Variants in ADCY2 observed in about 807,000 individuals in gnomAD.
The protein encoded by ADCY2 is adenylate cyclase type 2.
In ADCY2, 31 loss-of-function variants were observed where a neutral mutation model predicts 125.2. The observed-to-expected ratio is 0.25, with a 90% confidence interval of 0.19 to 0.33. The LOEUF is 0.33. Ranked by LOEUF, ADCY2 falls within the 10% of genes least tolerant of loss-of-function variation. The probability of loss-of-function intolerance (pLI) is 1.00; values close to 1 mark genes in which losing one functional copy is unlikely to be tolerated. For missense variants in ADCY2, 904 were observed against 1,418.2 expected (o/e 0.64, Z 5.82); for synonymous variants, 512 against 548.4 (o/e 0.93, Z 0.93).
At chr5:7,763,574 C>T (rs773080439) in intron 16 of ADCY2, among the ~76,000 whole-genome samples, 2 of 152,176 alleles carry the variant, frequency 1.3e-5, no homozygotes, top group Admixed American at 6.5e-5. Context: ...CACTCACTCC[C>T]CATCCTCCCT....
chr5:7,656,609 C>T (rs1241106594), intron 4 of ADCY2, among the ~76,000 whole-genome samples: 1 of 152,190 alleles, frequency 6.6e-6, no homozygotes, highest in Non-Finnish European at 1.5e-5. Context: ...GGTAGCTGAG[C>T]AGCCAGTTGT....
intron 15 of ADCY2, among the ~76,000 whole-genome samples, chr5:7,749,275 AT>A (rs554905884): frequency 1.7e-3 from 261 of 152,186 alleles, no homozygotes; most frequent in Middle Eastern, 3.4e-3. Context: ...ACATTTGATA[AT>A]TTTTTTAAGT....
intron 3 of ADCY2, among the ~76,000 whole-genome samples, chr5:7,536,152 A>G (rs1209950660): frequency 6.6e-6 from 1 of 152,238 alleles, no homozygotes; most frequent in Non-Finnish European, 1.5e-5. Flanking sequence ...CTGATTTAGT[A>G]CAAAGGAGTT....
In ADCY2 at chr5:7,804,021, G is replaced by C. The variant is rs554104310; in HGVS notation, c.2776-564G>C. Among the ~76,000 whole-genome samples the C allele has an allele frequency of 1.4e-3, 147 of 104,636 alleles. 1 individual carries two copies. Among genetic ancestry groups the C allele is most frequent in the African/African-American group, 5.2e-3 (141 of 27,172 alleles). 68.6% of individuals were successfully genotyped at this position (104,636 alleles called of 152,430 possible). On this transcript the variant is annotated intron_variant, in intron 21 of 24. Coordinates refer to ENST00000338316, the MANE Select transcript of ADCY2 (RefSeq NM_020546.3). ...ACAGCAGACTTCTCACTTCTCTTAG[G>C]CCTCCCATGGAGGGGGGAAAGAGAG...
intron 2 of ADCY2, among the ~76,000 whole-genome samples, chr5:7,426,261 A>G (rs1446131584): frequency 2.6e-5 from 4 of 152,242 alleles, no homozygotes; most frequent in Non-Finnish European, 5.9e-5. Flanking sequence ...TTTACTTTTT[A>G]GAACTATTTG....
chr5:7,697,891 T>G (rs1284088751), intron 6 of ADCY2, among the ~76,000 whole-genome samples: 1 of 152,214 alleles, frequency 6.6e-6, no homozygotes, highest in African/African-American at 2.4e-5. Flanking sequence ...TCTGAAAGAC[T>G]CAGCTGGGCA....
intron 2 of ADCY2, among the ~76,000 whole-genome samples, chr5:7,466,016 A>G (rs937241178): frequency 1.3e-5 from 2 of 152,220 alleles, no homozygotes; most frequent in Non-Finnish European, 2.9e-5. Flanking sequence ...GACCCCAACT[A>G]TATGAGTCCT....
chr5:7,631,344 C>T (rs778468487), intron 4 of ADCY2, among the ~76,000 whole-genome samples: 3 of 152,192 alleles, frequency 2.0e-5, no homozygotes, highest in East Asian at 1.9e-4. Context: ...TACCACTCTC[C>T]GTCTTCTTTA....
intron 19 of ADCY2, among the ~76,000 whole-genome samples, chr5:7,787,508 A>G (rs1318533459): frequency 6.6e-6 from 1 of 152,208 alleles, no homozygotes; most frequent in East Asian, 1.9e-4. Context: ...ATTATTATTC[A>G]ATGCATTCCA....
intron 5 of ADCY2, among the ~76,000 whole-genome samples, chr5:7,695,162 G>A (rs1293384826): frequency 3.3e-5 from 5 of 152,208 alleles, no homozygotes; most frequent in Non-Finnish European, 7.3e-5. Flanking sequence ...AAAAAGCTCT[G>A]AGGAATCTCA....
At chr5:7,515,679 G>A (rs1181803894) in intron 2 of ADCY2, among the ~76,000 whole-genome samples, 1 of 152,194 alleles carries the variant, frequency 6.6e-6, no homozygotes, top group East Asian at 1.9e-4. Context: ...AGATGCTAAT[G>A]AGGTGGTCAT....
chr5:7,805,275 C>T (rs375777729), intron 22 of ADCY2, among the ~76,000 whole-genome samples: 64 of 152,032 alleles, frequency 4.2e-4, no homozygotes, highest in African/African-American at 9.4e-4. Context: ...GAACTGAGAT[C>T]GCACCACTGC....
chr5:7,644,635 A>G (rs1203950501), intron 4 of ADCY2, among the ~76,000 whole-genome samples: 1 of 152,080 alleles, frequency 6.6e-6, no homozygotes, highest in Non-Finnish European at 1.5e-5. Context: ...TTTTTGCCCA[A>G]ATGCCATTCT....
At chr5:7,528,082 G>C (rs1302303540) in intron 3 of ADCY2, among the ~76,000 whole-genome samples, 3 of 152,130 alleles carry the variant, frequency 2.0e-5, no homozygotes, top group Admixed American at 6.6e-5. Flanking sequence ...CTTAGGTTTC[G>C]CAAGCCATTG....
At chr5:7,419,899 C>T (rs1015273924) in intron 2 of ADCY2, among the ~76,000 whole-genome samples, 3 of 152,128 alleles carry the variant, frequency 2.0e-5, no homozygotes, top group African/African-American at 2.4e-5. Context: ...TTCACTCATT[C>T]GTTTATGAGC....
chr5:7,551,487 A>G (rs1029202288), intron 3 of ADCY2, among the ~76,000 whole-genome samples: 1 of 152,216 alleles, frequency 6.6e-6, no homozygotes, highest in Admixed American at 6.5e-5. Context: ...CAGTAGACAC[A>G]GGCTTCCATA....
chr5:7,412,585 A>G (rs1739766831), intron 1 of ADCY2, among the ~76,000 whole-genome samples: 1 of 152,246 alleles, frequency 6.6e-6, no homozygotes, highest in South Asian at 2.1e-4. Flanking sequence ...TAAGAGTAAT[A>G]ACTTAGGCAC....
chr5:7,757,805 G>A (rs1027355630), intron 16 of ADCY2, among the ~76,000 whole-genome samples: 8 of 152,158 alleles, frequency 5.3e-5, no homozygotes, highest in African/African-American at 1.7e-4. Context: ...CTTGCATTTG[G>A]CTCCTTTGCA....
At chr5:7,555,373 G>A (rs1057281009) in intron 3 of ADCY2, among the ~76,000 whole-genome samples, 1 of 152,122 alleles carries the variant, frequency 6.6e-6, no homozygotes, top group Admixed American at 6.5e-5. Flanking sequence ...TTTATGTTTT[G>A]CAATATTTGT....
Sources: gnomAD v4.1 joint callset for allele counts (sites outside exome capture counted in the v4.1 genomes callset) on GRCh38, gnomAD v4.1.1 for gene constraint, MANE v1.5 for transcripts, NCBI Gene and HGNC (gene_info 2026-07-23, HGNC 2026-07-21) for gene names.